The following LRP11 variants were observed in gnomAD, a reference collection of about 807,000 sequenced individuals.
LRP11 encodes the protein low-density lipoprotein receptor-related protein 11.
In LRP11, 25 loss-of-function variants were observed where a neutral mutation model predicts 43.1. The ratio of observed to expected loss-of-function variants is 0.58; its 90% CI spans 0.42 to 0.81. The LOEUF (loss-of-function observed/expected upper bound fraction) is 0.81. Ranked by LOEUF, LRP11 falls within the 30% of genes least tolerant of loss-of-function variation. The pLI, the probability that LRP11 is intolerant of heterozygous loss-of-function variation, is 0.00. For missense variants in LRP11, 623 were observed against 665.1 expected (o/e 0.94, Z 0.70); for synonymous variants, 316 against 299.4 (o/e 1.06, Z -0.57).
chr6:149,822,558 C>G (rs1776290029), intron 6 of LRP11, among the ~76,000 whole-genome samples: 1 of 151,552 alleles, frequency 6.6e-6, no homozygotes, highest in South Asian at 2.1e-4. Flanking sequence ...AGTGGTAGAG[C>G]TAGCAAATAA....
At chr6:149,826,417 C>A in intron 5 of LRP11, 58 bp from the exon 6 acceptor site, 2 of 1,239,502 alleles carry the variant, frequency 1.6e-6, no homozygotes, top group Non-Finnish European at 1.2e-6. Context: ...CTTCAGGAAA[C>A]AAATGTGAAA....
At position 149,836,230 on chromosome 6, in the gene LRP11, C is replaced by A. The variant is rs73610594; in HGVS notation, c.1107G>T (p.Pro369=). ...ASPALPRTTG[P]SEDAGGDSLV... ...AGGAGTCACCCCCTGCATCTTCACT[C>A]GGCCCTGTGGTTCTTGGCAGGGCAG... is the stretch of plus-strand genomic sequence containing the variant. Residue 369 remains proline (P), a synonymous_variant, in exon 5 of 7, where the codon CCG becomes CCT. Coordinates refer to ENST00000239367, the MANE Select transcript of LRP11 (RefSeq NM_032832.6). 1.2e-6 allele frequency: 2 copies of A among 1,614,058 alleles called. No homozygotes were observed. Among genetic ancestry groups the A allele is most frequent in the Non-Finnish European group, 1.7e-6 (2 of 1,180,046 alleles).
intron 3 of LRP11, among the ~76,000 whole-genome samples, chr6:149,838,440 C>T (rs1015214875): frequency 1.3e-5 from 2 of 151,700 alleles, no homozygotes; most frequent in Non-Finnish European, 2.9e-5. Flanking sequence ...AATCCCAGCA[C>T]TTTGGGAAGC....
At chr6:149,835,776 C>T (rs1776462841) in intron 5 of LRP11, among the ~76,000 whole-genome samples, 1 of 152,138 alleles carries the variant, frequency 6.6e-6, no homozygotes, top group South Asian at 2.1e-4. Flanking sequence ...AATGGTTATG[C>T]TGTTTCATCT....
Position 149,819,588 on chromosome 6 carries a change from C to T in LRP11, c.*961G>A, listed in dbSNP as rs1015183006. On this transcript the variant is annotated 3_prime_UTR_variant, in exon 7 of 7. Coordinates refer to ENST00000239367, the MANE Select transcript of LRP11 (RefSeq NM_032832.6). ...AACATTTTATAGCATTAAAAAACAT[C>T]GACTCATTCCATTGGATGAAAGCCA... is the stretch of plus-strand genomic sequence containing the variant. 1 of 152,552 alleles carries T rather than the reference C, an allele frequency of 6.6e-6. No individual in the cohort carries two copies. Among genetic ancestry groups the T allele is most frequent in the Admixed American group, 6.6e-5 (1 of 15,254 alleles). The allele number at this position is 152,552 out of a possible 1,614,324, so 9.4% of individuals were successfully genotyped here.
At chr6:149,848,814 T>C (rs778942678) in intron 2 of LRP11, among the ~76,000 whole-genome samples, 1 of 152,162 alleles carries the variant, frequency 6.6e-6, no homozygotes, top group Non-Finnish European at 1.5e-5. Flanking sequence ...GGATATAATC[T>C]GTACACCAAG....
At chr6:149,843,896 C>A (rs540940755) in intron 2 of LRP11, among the ~76,000 whole-genome samples, 2 of 152,092 alleles carry the variant, frequency 1.3e-5, no homozygotes, top group South Asian at 4.1e-4. Flanking sequence ...ACAGTGCTGG[C>A]AAAACTCACT....
chr6:149,855,897 C>G (rs761145119), intron 1 of LRP11, among the ~76,000 whole-genome samples: 1 of 152,148 alleles, frequency 6.6e-6, no homozygotes, highest in Non-Finnish European at 1.5e-5. Flanking sequence ...TTTTCCACCT[C>G]TGAACAAACA....
chr6:149,848,474 C>T (rs1164732502), intron 2 of LRP11, among the ~76,000 whole-genome samples: 1 of 152,168 alleles, frequency 6.6e-6, no homozygotes, highest in African/African-American at 2.4e-5. Context: ...GATATGGAAT[C>T]AACCTAAATG....
intron 1 of LRP11, among the ~76,000 whole-genome samples, chr6:149,859,396 A>ATATATATATTTTTTTTTTTTTTT: frequency 4.2e-5 from 3 of 71,492 alleles, no homozygotes; most frequent in South Asian, 5.2e-4. Context: ...ATATATATAT[A>ATATATATATTTTTTTTTTTTTTT]TTTTTTTTTT....
chr6:149,822,297 G>C (rs1776286802), intron 6 of LRP11, among the ~76,000 whole-genome samples: 1 of 151,748 alleles, frequency 6.6e-6, no homozygotes, highest in South Asian at 2.1e-4. Context: ...CCATGATCAG[G>C]CTACTGCACT....
intron 2 of LRP11, among the ~76,000 whole-genome samples, chr6:149,847,131 C>T (rs1414862595): frequency 6.6e-6 from 1 of 152,154 alleles, no homozygotes; most frequent in African/African-American, 2.4e-5. Flanking sequence ...TTCTGGGTGT[C>T]AAAGCTCAGA....
At chr6:149,835,674 C>T (rs1776461662) in intron 5 of LRP11, among the ~76,000 whole-genome samples, 1 of 152,124 alleles carries the variant, frequency 6.6e-6, no homozygotes, top group East Asian at 1.9e-4. Context: ...AAATTGGAGG[C>T]ATAACGTTGA....
chr6:149,839,024 C>G (rs7744111), intron 3 of LRP11, among the ~76,000 whole-genome samples: 16,310 of 151,654 alleles, frequency 0.11, 2,525 homozygotes, highest in African/African-American at 0.34. Context: ...GTTCACAAAC[C>G]CAAGTGAAAT....
chr6:149,829,890 C>T (rs1776386088), intron 5 of LRP11, among the ~76,000 whole-genome samples: 1 of 151,988 alleles, frequency 6.6e-6, no homozygotes, highest in Non-Finnish European at 1.5e-5. Context: ...TACCACTGGA[C>T]TTGAATGTTC....
intron 1 of LRP11, among the ~76,000 whole-genome samples, chr6:149,853,902 G>C (rs911623700): frequency 6.6e-6 from 1 of 152,098 alleles, no homozygotes; most frequent in Admixed American, 6.5e-5. Flanking sequence ...TTTAAAAATA[G>C]GAGTGATATA....
chr6:149,849,581 A>T (rs1028008251), intron 2 of LRP11, among the ~76,000 whole-genome samples: 1 of 151,938 alleles, frequency 6.6e-6, no homozygotes, highest in African/African-American at 2.4e-5. Context: ...GCATAGTGAG[A>T]CCTCATCTCT....
At chr6:149,842,350 A>G (rs1776560804) in intron 3 of LRP11, among the ~76,000 whole-genome samples, 1 of 152,138 alleles carries the variant, frequency 6.6e-6, no homozygotes, top group Admixed American at 6.5e-5. Flanking sequence ...GAATGATTAC[A>G]TCAAGCTAAC....
At chr6:149,838,737 A>G (rs1398154105) in intron 3 of LRP11, among the ~76,000 whole-genome samples, 1 of 151,920 alleles carries the variant, frequency 6.6e-6, no homozygotes, top group Non-Finnish European at 1.5e-5. Context: ...TGGAGTTCTT[A>G]GGAGCTTTTA....
Sources: gnomAD v4.1 joint callset for allele counts (sites outside exome capture counted in the v4.1 genomes callset) on GRCh38, gnomAD v4.1.1 for gene constraint, MANE v1.5 for transcripts, NCBI Gene and HGNC (gene_info 2026-07-23, HGNC 2026-07-21) for gene names.